The following PLCB1 variants were observed in gnomAD, a reference collection of about 807,000 sequenced individuals.
The protein encoded by PLCB1 is 1-phosphatidylinositol 4,5-bisphosphate phosphodiesterase beta-1.
PLCB1 carries 46 observed loss-of-function variants against 161.8 expected under a neutral mutation model. The ratio of observed to expected loss-of-function variants is 0.28; its 90% CI spans 0.22 to 0.36. PLCB1 has a LOEUF of 0.36. PLCB1 is among the 10% of genes least tolerant of loss of function. PLCB1 has a pLI of 1.00. For synonymous variants in PLCB1, 517 were observed against 503.7 expected, an observed-to-expected ratio of 1.03 and a Z score of -0.35; for missense variants, 1,016 against 1,472.5, an observed-to-expected ratio of 0.69 and a Z score of 5.07.
intron 22 of PLCB1, 49 bp downstream of exon 22, chr20:8,740,497 C>T: frequency 9.6e-7 from 1 of 1,038,934 alleles, no homozygotes; most frequent in Non-Finnish European, 1.4e-6. Flanking sequence ...GTATTTCTGT[C>T]TGAGTCACCA....
intron 3 of PLCB1, among the ~76,000 whole-genome samples, chr20:8,537,229 T>C (rs2122938651): frequency 6.6e-6 from 1 of 152,308 alleles, no homozygotes; most frequent in East Asian, 1.9e-4. Context: ...AAGAGGGTCA[T>C]GTGGACATCT....
intron 31 of PLCB1, among the ~76,000 whole-genome samples, chr20:8,816,377 A>G (rs1212873553): frequency 1.3e-5 from 2 of 152,218 alleles, no homozygotes; most frequent in African/African-American, 4.8e-5. Context: ...AATTTTTTTC[A>G]ACATTTCCAG....
At chr20:8,434,981 A>G (rs977952379) in intron 3 of PLCB1, among the ~76,000 whole-genome samples, 3 of 152,312 alleles carry the variant, frequency 2.0e-5, no homozygotes, top group Non-Finnish European at 4.4e-5. Context: ...CAAACATTCT[A>G]ACAAAAGTTT....
chr20:8,307,923 AAAACAAAC>A lies in PLCB1; in HGVS notation c.178-63443_178-63436del, dbSNP rs990608511. 5.3e-5 allele frequency among the ~76,000 whole-genome samples: 8 copies of A among 152,034 alleles called. No homozygotes were observed. The South Asian group carries it at 1.0e-3, about 20-fold the overall frequency. Reference sequence around the variant, plus strand: ...GGGCAACAGAGCAAGACTCCATCTCAAAACAAACAAACAAACAAACAAAACAAAAACAC... The same window carrying A: ...GGGCAACAGAGCAAGACTCCATCTCAAAACAAACAAACAAAACAAAAACAC... On this transcript the variant is annotated intron_variant, in intron 2 of 31. Coordinates refer to ENST00000338037, the MANE Select transcript of PLCB1 (RefSeq NM_015192.4).
intron 10 of PLCB1, among the ~76,000 whole-genome samples, chr20:8,690,792 A>G (rs1990459295): frequency 6.6e-6 from 1 of 152,212 alleles, no homozygotes; most frequent in Admixed American, 6.5e-5. Context: ...TTTGTTTTAA[A>G]ATCAAACTAT....
chr20:8,488,630 T>G (rs1982825513), intron 3 of PLCB1, among the ~76,000 whole-genome samples: 1 of 152,088 alleles, frequency 6.6e-6, no homozygotes, highest in Non-Finnish European at 1.5e-5. Flanking sequence ...TAAACATGTT[T>G]AATTCACTTC....
intron 31 of PLCB1, among the ~76,000 whole-genome samples, chr20:8,821,254 G>A (rs1310945679): frequency 6.6e-6 from 1 of 151,598 alleles, no homozygotes; most frequent in Non-Finnish European, 1.5e-5. Context: ...GCTGAGGTGG[G>A]TGGATCACGA....
chr20:8,269,386 C>T (rs967149166), intron 2 of PLCB1, among the ~76,000 whole-genome samples: 3 of 152,096 alleles, frequency 2.0e-5, no homozygotes, highest in African/African-American at 4.8e-5. Flanking sequence ...TCTGTATTCT[C>T]ATATGCAAAA....
intron 12 of PLCB1, among the ~76,000 whole-genome samples, chr20:8,714,784 G>C (rs1348774832): frequency 6.6e-6 from 1 of 152,128 alleles, no homozygotes; most frequent in Non-Finnish European, 1.5e-5. Flanking sequence ...CAAGAAAGCA[G>C]TGACTTTGGG....
intron 31 of PLCB1, among the ~76,000 whole-genome samples, chr20:8,878,192 A>G (rs1053890495): frequency 2.6e-5 from 4 of 152,186 alleles, no homozygotes; most frequent in African/African-American, 9.7e-5. Flanking sequence ...TCCATAGCTG[A>G]AGGTCCCCCA....
chr20:8,389,822 C>T (rs1987537313), intron 3 of PLCB1, among the ~76,000 whole-genome samples: 1 of 152,070 alleles, frequency 6.6e-6, no homozygotes, highest in South Asian at 2.1e-4. Flanking sequence ...AGGCCACACC[C>T]CAATCAATTA....
At chr20:8,264,397 A>G (rs958921148) in intron 2 of PLCB1, among the ~76,000 whole-genome samples, 21 of 152,196 alleles carry the variant, frequency 1.4e-4, no homozygotes, top group African/African-American at 4.3e-4. Context: ...ATTATTAGGA[A>G]GAGTATACTC....
chr20:8,740,346 T>C lies in PLCB1; in HGVS notation c.2311T>C (p.Tyr771His). Residue 771 changes from tyrosine to histidine, a missense_variant and splice_region_variant, in exon 22 of 32, where the codon TAT becomes CAT. By Grantham distance (83) the Tyr-to-His change is moderately conservative (BLOSUM62 2). Transcript: ENST00000338037. The part of the protein sequence containing the change: ...ILPVQAIRPG[Y>H]HYICLRNERN... ...ACAGCATTATTCTCACCTTCCAGGC[T>C]ATCACTATATCTGTCTAAGGAATGA... 1 of 1,570,040 alleles carries C rather than the reference T, an allele frequency of 6.4e-7. No individual in the cohort carries two copies. Among genetic ancestry groups the C allele is most frequent in the Non-Finnish European group, 8.7e-7 (1 of 1,143,718 alleles).
intron 2 of PLCB1, among the ~76,000 whole-genome samples, chr20:8,354,422 A>T (rs181793139): frequency 1.3e-5 from 2 of 152,286 alleles, no homozygotes; most frequent in Admixed American, 1.3e-4. Flanking sequence ...CATTACTAGA[A>T]CACCAGGAAA....
rs1010353889 is a variant in PLCB1, at chr20:8,883,091, A to C, written c.*1242A>C. 2.6e-5 allele frequency: 4 copies of C among 152,516 alleles called. No homozygotes were observed. Among genetic ancestry groups the C allele is most frequent in the Non-Finnish European group, 5.9e-5 (4 of 68,022 alleles). The allele number at this position is 152,516 out of a possible 1,614,324, so 9.4% of individuals were successfully genotyped here. A position where few individuals can be genotyped will look rare whatever the true frequency, so the allele number is the denominator to read the frequency against. On this transcript the variant is annotated 3_prime_UTR_variant, in exon 32 of 32. Transcript: ENST00000338037. ...CATTGATGCAAACCGAAGTAGATTT[A>C]GAACTTATATGAATTTGATTTATAT...
intron 2 of PLCB1, among the ~76,000 whole-genome samples, chr20:8,335,761 C>T (rs1411569085): frequency 8.5e-5 from 13 of 152,228 alleles, no homozygotes; most frequent in Admixed American, 7.9e-4. Context: ...TTGGCATCTC[C>T]AGGACATCTG....
rs200000593 is a variant in PLCB1, at chr20:8,798,925, T to TA, written c.3423+8665dup. 5.1e-3 allele frequency among the ~76,000 whole-genome samples: 778 copies of TA among 152,312 alleles called. 6 individuals are homozygous for TA. The highest frequency in any genetic ancestry group is 0.02 in the Admixed American group (305 of 15,302). ...AAATACTCTGTGTCTCTTGAAAAAT[T>TA]AGATTCTAAGATTATAATAGAAACA... On this transcript the variant is annotated intron_variant, in intron 31 of 31. Coordinates refer to ENST00000338037, the MANE Select transcript of PLCB1 (RefSeq NM_015192.4).
chr20:8,764,414 A>G (rs541848846), intron 25 of PLCB1, among the ~76,000 whole-genome samples: 249 of 152,292 alleles, frequency 1.6e-3, no homozygotes, highest in African/African-American at 5.8e-3. Context: ...ACTGAGTTAA[A>G]TACTTTCCAT....
chr20:8,636,601 T>A (rs1244903953), intron 4 of PLCB1, among the ~76,000 whole-genome samples: 1 of 152,220 alleles, frequency 6.6e-6, no homozygotes, highest in African/African-American at 2.4e-5. Flanking sequence ...AGTCTCTCCC[T>A]TACACACACA....
Sources: gnomAD v4.1 joint callset for allele counts (sites outside exome capture counted in the v4.1 genomes callset) on GRCh38, gnomAD v4.1.1 for gene constraint, MANE v1.5 for transcripts, NCBI Gene and HGNC (gene_info 2026-07-23, HGNC 2026-07-21) for gene names.